GLG1: variants seen among roughly 807,000 people sequenced by gnomAD.
GLG1 encodes the protein golgi glycoprotein 1, also known as Golgi apparatus protein 1.
A neutral mutation model predicts 160.5 loss-of-function variants in GLG1; 38 were observed. The observed-to-expected ratio is 0.24, with a 90% CI of 0.18 to 0.31. GLG1 has a LOEUF of 0.31. Among genes scored for constraint, GLG1 ranks in the 10% least tolerant of loss-of-function variants. GLG1 has a pLI of 1.00. For missense variants in GLG1, 1,373 were observed against 1,505.2 expected (o/e 0.91, Z 1.45); for synonymous variants, 644 against 543.4 (o/e 1.19, Z -2.57).
At chr16:74,599,358 C>T (rs923192584) in intron 1 of GLG1, among the ~76,000 whole-genome samples, 1 of 152,170 alleles carries the variant, frequency 6.6e-6, no homozygotes, top group Non-Finnish European at 1.5e-5. Flanking sequence ...CTACGACTCT[C>T]TTGCACACGT....
chr16:74,506,607 C>CAAAAAAA (rs1567489940), intron 3 of GLG1, among the ~76,000 whole-genome samples: 46 of 126,444 alleles, frequency 3.6e-4, no homozygotes, highest in South Asian at 7.7e-4. Flanking sequence ...AAAAAAAACT[C>CAAAAAAA]AAGAGAAACC....
At position 74,477,487 on chromosome 16, in the gene GLG1, C is replaced by T. The variant is rs369140595; in HGVS notation, c.1874G>A (p.Arg625His). The T allele has an allele frequency of 2.2e-5, 35 of 1,610,070 alleles. 1 individual carries two copies. The highest frequency in any genetic ancestry group is 6.7e-5 in the East Asian group (3 of 44,860). Residue 625 changes from arginine (R) to histidine (H), a missense_variant, in exon 12 of 26, where the codon CGT becomes CAT. Coordinates refer to ENST00000422840, the MANE Select transcript of GLG1 (RefSeq NM_001145667.2). ...RAEVQRILHQRAMDVKLDPAL... is the reference protein window; with the variant it reads ...RAEVQRILHQHAMDVKLDPAL... Reference sequence around the variant, plus strand: ...AGGATCCAGCTTGACATCCATGGCACGCTGGTGTAGGATCCTTTGGACTTC... The same window carrying T: ...AGGATCCAGCTTGACATCCATGGCATGCTGGTGTAGGATCCTTTGGACTTC...
chr16:74,490,097 C>T (rs746137816), intron 8 of GLG1, among the ~76,000 whole-genome samples: 16 of 152,284 alleles, frequency 1.1e-4, no homozygotes, highest in Admixed American at 2.0e-4. Flanking sequence ...CTCTTGTGCT[C>T]CCCAAAGGAA....
Position 74,570,034 on chromosome 16 carries a change from GA to G in GLG1, c.438+36622del, listed in dbSNP as rs796957767. ...CCGTCTCAAAAAAAAGAAAAGGAAA[GA>G]AAAAAAAAAAACAATAGTTTTGAAA... On this transcript the variant is annotated intron_variant, in intron 1 of 25. Coordinates refer to ENST00000422840, the MANE Select transcript of GLG1 (RefSeq NM_001145667.2). Among the ~76,000 whole-genome samples, 836 of 122,354 alleles carry G rather than the reference GA, an allele frequency of 6.8e-3. 9 individuals are homozygous for G. The East Asian group carries it at 0.068, about 10-fold the overall frequency. The allele number at this position is 122,354 out of a possible 152,430, so 80.3% of individuals were successfully genotyped here.
At chr16:74,499,397 C>G (rs1029818464) in intron 4 of GLG1, among the ~76,000 whole-genome samples, 5 of 152,136 alleles carry the variant, frequency 3.3e-5, no homozygotes, top group African/African-American at 1.2e-4. Flanking sequence ...CACACCACCA[C>G]CCTCAGCTAT....
intron 1 of GLG1, among the ~76,000 whole-genome samples, chr16:74,563,790 A>C (rs1207869724): frequency 6.6e-6 from 1 of 152,212 alleles, no homozygotes; most frequent in African/African-American, 2.4e-5. Context: ...TATGCTCCAT[A>C]GCAGATTCTA....
At chr16:74,584,540 T>C (rs1429208963) in intron 1 of GLG1, among the ~76,000 whole-genome samples, 2 of 152,092 alleles carry the variant, frequency 1.3e-5, no homozygotes, top group African/African-American at 2.4e-5. Context: ...CTAAGTAAGC[T>C]ATGAAGAGGC....
intron 1 of GLG1, among the ~76,000 whole-genome samples, chr16:74,588,484 T>C (rs948636673): frequency 1.3e-5 from 2 of 152,110 alleles, no homozygotes; most frequent in African/African-American, 4.8e-5. Flanking sequence ...AGGTTACCCA[T>C]TCTGTTGCCA....
chr16:74,573,891 G>A (rs2018911251), intron 1 of GLG1, among the ~76,000 whole-genome samples: 1 of 151,468 alleles, frequency 6.6e-6, no homozygotes, highest in Non-Finnish European at 1.5e-5. Flanking sequence ...CCTCCCAGGC[G>A]AAAGTGATTC....
At chr16:74,579,589 G>A (rs1303925731) in intron 1 of GLG1, among the ~76,000 whole-genome samples, 1 of 151,962 alleles carries the variant, frequency 6.6e-6, no homozygotes, top group Non-Finnish European at 1.5e-5. Flanking sequence ...AGGTGTAGTG[G>A]CACACACCTG....
intron 1 of GLG1, among the ~76,000 whole-genome samples, chr16:74,556,172 T>C (rs2018347730): frequency 6.6e-6 from 1 of 152,176 alleles, no homozygotes; most frequent in Non-Finnish European, 1.5e-5. Flanking sequence ...TAACAGTTAA[T>C]TACAAATTCC....
At position 74,502,752 on chromosome 16, in the gene GLG1, A is replaced by C. The variant is rs1480262825; in HGVS notation, c.774+779T>G. ...TTTTTTTTTTTTTTTTTGTATTTTT[A>C]GTAGAGACGGGGTTTCACCGTGTTA... On this transcript the variant is annotated intron_variant, in intron 4 of 25. Transcript: ENST00000422840. Among the ~76,000 whole-genome samples, 22 of 78,402 alleles carry C rather than the reference A, an allele frequency of 2.8e-4. No individual in the cohort carries two copies. The East Asian group carries it at 6.3e-3, about 22-fold the overall frequency. 51.4% of individuals were successfully genotyped at this position (78,402 alleles called of 152,430 possible). A position where few individuals can be genotyped will look rare whatever the true frequency, so the allele number is the denominator to read the frequency against.
At chr16:74,548,089 C>A (rs2018099036) in intron 1 of GLG1, among the ~76,000 whole-genome samples, 1 of 152,150 alleles carries the variant, frequency 6.6e-6, no homozygotes, top group African/African-American at 2.4e-5. Context: ...GCCACCAAGC[C>A]CAGCTACTAT....
intron 7 of GLG1, among the ~76,000 whole-genome samples, chr16:74,491,920 C>A (rs982428523): frequency 6.6e-6 from 1 of 151,174 alleles, no homozygotes; most frequent in African/African-American, 2.4e-5. Flanking sequence ...AGCCACCGCG[C>A]CTGGCCAGGA....
chr16:74,465,557 C>T, intron 19 of GLG1, 119 bp downstream of exon 19: 1 of 979,200 alleles, frequency 1.0e-6, no homozygotes, highest in South Asian at 1.6e-5. Context: ...GGTGCTGCTG[C>T]TGCTGCTCGT....
intron 9 of GLG1, among the ~76,000 whole-genome samples, chr16:74,485,017 A>T (rs2015741991): frequency 6.6e-6 from 1 of 152,020 alleles, no homozygotes; most frequent in African/African-American, 2.4e-5. Flanking sequence ...GGGCTCAAGC[A>T]ATCTTCCCAC....
chr16:74,531,459 A>C (rs1476597378), intron 2 of GLG1, among the ~76,000 whole-genome samples: 2 of 151,972 alleles, frequency 1.3e-5, no homozygotes, highest in South Asian at 2.1e-4. Context: ...GCTGGGATTA[A>C]AGGCATGCAC....
chr16:74,564,093 G>C (rs913011756), intron 1 of GLG1, among the ~76,000 whole-genome samples: 1 of 152,108 alleles, frequency 6.6e-6, no homozygotes, highest in Admixed American at 6.5e-5. Flanking sequence ...GCTAATTTTT[G>C]TATTTTCTGT....
intron 1 of GLG1, among the ~76,000 whole-genome samples, chr16:74,541,769 CACACATGTTTTATTGTATGT>C (rs1338892530): frequency 6.6e-6 from 1 of 152,054 alleles, no homozygotes; most frequent in African/African-American, 2.4e-5. Context: ...AAATACATGA[CACACATGTTTTATTGTATGT>C]GTATAGGTTA....
Sources: allele counts gnomAD v4.1 joint callset (sites outside exome capture counted in the v4.1 genomes callset), GRCh38; gene constraint gnomAD v4.1.1; transcripts MANE v1.5; gene names NCBI Gene and HGNC (gene_info 2026-07-23, HGNC 2026-07-21).